The following PRAMEF4 variants were observed in gnomAD, a reference collection of about 807,000 sequenced individuals.
The protein encoded by PRAMEF4 is PRAME family member 4.
Under a neutral mutation model 34.4 loss-of-function variants are expected in PRAMEF4, and 18 were observed. The ratio of observed to expected loss-of-function variants is 0.52; its 90% CI spans 0.36 to 0.78. The LOEUF is 0.78. PRAMEF4 is among the 30% of genes least tolerant of loss of function. The pLI, the probability that PRAMEF4 is intolerant of heterozygous loss-of-function variation, is 0.00. For synonymous variants in PRAMEF4, 156 were observed against 219.3 expected, an observed-to-expected ratio of 0.71 and a Z score of 2.55; for missense variants, 482 against 569.1, an observed-to-expected ratio of 0.85 and a Z score of 1.56.
chr1:12,882,886 A>G (rs1401065635), intron 2 of PRAMEF4, among the ~76,000 whole-genome samples: 11 of 146,074 alleles, frequency 7.5e-5, no homozygotes, highest in African/African-American at 2.6e-4. Context: ...CTCACTTTTC[A>G]TGGTGCCTTT....
Position 12,881,391 on chromosome 1 carries a change from T to A in PRAMEF4, c.875+463A>T, listed in dbSNP as rs1218397964. Among the ~76,000 whole-genome samples the A allele has an allele frequency of 6.1e-5, 9 of 148,730 alleles. 1 individual carries two copies. Among genetic ancestry groups the A allele is most frequent in the Non-Finnish European group, 7.4e-5 (5 of 67,458 alleles). Reference sequence around the variant, plus strand: ...CAGAAAAAAAAAGTTATCTTGTTTGTTTTTACTTTTGTTTATTCATTTCTG... The same window carrying A: ...CAGAAAAAAAAAGTTATCTTGTTTGATTTTACTTTTGTTTATTCATTTCTG... On this transcript the variant is annotated intron_variant, in intron 3 of 3. Transcript: ENST00000235349.
At position 12,882,027 on chromosome 1, in the gene PRAMEF4, C is replaced by A. The variant is rs768955394; in HGVS notation, c.702G>T (p.Arg234Ser). The A allele has an allele frequency of 6.3e-7, 1 of 1,590,670 alleles. No homozygotes were observed. ...TQFTPYLGHM[R>S]NLQKLILSHM... ...GGGAGAGAATGAGTTTCTGAAGATT[C>A]CTCATGTGGCCCAGGTATGGGGTAA... The change falls in exon 3 of 4, where the codon AGG becomes AGT. Residue 234 changes from arginine (R) to serine (S), a missense_variant. Coordinates refer to ENST00000235349, the MANE Select transcript of PRAMEF4 (RefSeq NM_001009611.4).
chr1:12,883,556 T>C, intron 1 of PRAMEF4, 146 bp from the exon 2 acceptor site: 1 of 1,162,890 alleles, frequency 8.6e-7, no homozygotes, highest in South Asian at 1.5e-5. Flanking sequence ...TCAGTGGCCA[T>C]TAAGCCAGCA....
chr1:12,880,062 C>G lies in PRAMEF4; in HGVS notation c.919G>C (p.Val307Leu). The G allele has an allele frequency of 6.5e-7, 1 of 1,541,892 alleles. No homozygotes were observed. The highest frequency in any genetic ancestry group is 8.9e-7 in the Non-Finnish European group (1 of 1,124,566). The stretch of plus-strand genomic sequence containing the variant: ...TGCTTCAAGTCTGATTCCAAAAGCA[C>G]ACAGTTAGTTATTGTGAGGAACTTT... ...SLKFLTITNCVLLESDLKHLS... is the reference protein window; with the variant it reads ...SLKFLTITNCLLLESDLKHLS... The change falls in exon 4 of 4, where the codon GTG becomes CTG. Residue 307 changes from valine to leucine, a missense_variant. Physicochemically the swap from Val to Leu is conservative, Grantham distance 32. Around this residue, in one of 6 missense-constraint regions of PRAMEF4, gnomAD observed 35 missense variants for 109.2 expected, o/e 0.32. Transcript: ENST00000235349.
chr1:12,879,873 T>A lies in PRAMEF4; in HGVS notation c.1108A>T (p.Asn370Tyr), dbSNP rs201682396. ...CGGCTCAGGGCAGGCAAGATGGCGT[T>A]GACTTGGGAGTCTATGATGCCACAG... The part of the protein sequence containing the change: ...DDCGIIDSQV[N>Y]AILPALSRCF... Residue 370 changes from asparagine to tyrosine, a missense_variant, in exon 4 of 4, where the codon AAC becomes TAC. Asn to Tyr is a moderately radical substitution (Grantham distance 143). Coordinates refer to ENST00000235349, the MANE Select transcript of PRAMEF4 (RefSeq NM_001009611.4). The A allele has an allele frequency of 3.1e-5, 49 of 1,600,068 alleles. 2 individuals are homozygous for A. The highest frequency in any genetic ancestry group is 3.7e-5 in the Non-Finnish European group (44 of 1,173,726).
At position 12,883,359 on chromosome 1, in the gene PRAMEF4, C is replaced by G; in HGVS notation, c.36G>C (p.Leu12=). ...TTAGCAGGCTCCGCCCTGCAAGCTC[C>G]AGGAGTCTGGGTGGAGTCCAGATGC... ...KMSIWTPPRL[L]ELAGRSLLRD... Residue 12 remains leucine, a synonymous_variant, in exon 2 of 4, where the codon CTG becomes CTC. Transcript: ENST00000235349. 6.2e-7 allele frequency: 1 copy of G among 1,600,812 alleles called. No individual in the cohort carries two copies.
Position 12,883,451 on chromosome 1 carries a change from G to T in PRAMEF4, c.-16-41C>A. 4.4e-6 allele frequency: 7 copies of T among 1,597,156 alleles called. 1 individual carries two copies. The highest frequency in any genetic ancestry group is 6.0e-6 in the Non-Finnish European group (7 of 1,172,476). Reference sequence around the variant, plus strand: ...CCCAGAGAAAAGGCATCTCTCTCGGGCCAAGCCCATGCAATCTCATCCTCT... The same window carrying T: ...CCCAGAGAAAAGGCATCTCTCTCGGTCCAAGCCCATGCAATCTCATCCTCT... On this transcript the variant is annotated intron_variant, in intron 1 of 3. Coordinates refer to ENST00000235349, the MANE Select transcript of PRAMEF4 (RefSeq NM_001009611.4).
Position 12,883,056 on chromosome 1 carries a change from G to C in PRAMEF4, c.293+46C>G, listed in dbSNP as rs1482344034. 4 of 1,594,454 alleles carry C rather than the reference G, an allele frequency of 2.5e-6. No individual in the cohort carries two copies. The Admixed American group carries it at 5.3e-5, about 21-fold the overall frequency. ...TTCTCACGACCCAGCTGTTCCTTCA[G>C]TTGGACACCTGGGCCCTCCCCACCA... On this transcript the variant is annotated intron_variant, in intron 2 of 3. Coordinates refer to ENST00000235349, the MANE Select transcript of PRAMEF4 (RefSeq NM_001009611.4).
intron 2 of PRAMEF4, among the ~76,000 whole-genome samples, chr1:12,882,819 A>C (rs865869382): frequency 6.8e-6 from 1 of 147,012 alleles, no homozygotes; most frequent in Non-Finnish European, 1.5e-5. Context: ...CCAACTCTTG[A>C]CCTCAGCCTC....
chr1:12,881,358 C>G (rs888084765), intron 3 of PRAMEF4, among the ~76,000 whole-genome samples: 1 of 148,490 alleles, frequency 6.7e-6, no homozygotes, highest in African/African-American at 2.5e-5. Context: ...CAAAGAGAAA[C>G]TCCATCTCAG....
chr1:12,879,362 A>T lies in PRAMEF4; in HGVS notation c.*182T>A. On this transcript the variant is annotated 3_prime_UTR_variant, in exon 4 of 4. Coordinates refer to ENST00000235349, the MANE Select transcript of PRAMEF4 (RefSeq NM_001009611.4). ...ACACAGGTCCCCAAAGTCCCATCGA[A>T]TCCATGGCAACATTTCCCCCAAGTC... The T allele has an allele frequency of 4.0e-6, 3 of 759,108 alleles. No homozygotes were observed. The highest frequency in any genetic ancestry group is 6.4e-5 in the Admixed American group (2 of 31,072). 47.0% of individuals were successfully genotyped at this position (759,108 alleles called of 1,614,324 possible).
At chr1:12,884,428 A>T (rs201313562) in intron 1 of PRAMEF4, among the ~76,000 whole-genome samples, 15,937 of 149,110 alleles carry the variant, frequency 0.11, 1,386 homozygotes, top group Non-Finnish European at 0.11. Flanking sequence ...AAACTGAACC[A>T]CTTTGGCTGG....
At position 12,881,667 on chromosome 1, in the gene PRAMEF4, T is replaced by C. The variant is rs574878746; in HGVS notation, c.875+187A>G. Among the ~76,000 whole-genome samples the C allele has an allele frequency of 2.8e-5, 4 of 143,318 alleles. 1 individual carries two copies. The highest frequency in any genetic ancestry group is 1.1e-4 in the African/African-American group (4 of 37,004). 94.0% of individuals were successfully genotyped at this position (143,318 alleles called of 152,430 possible). On this transcript the variant is annotated intron_variant, in intron 3 of 3. Coordinates refer to ENST00000235349, the MANE Select transcript of PRAMEF4 (RefSeq NM_001009611.4). ...TAGCATCTCCCCTAGCTGATCCCTC[T>C]GCCTCTATTGGGAGGGTTGCATGAT...
intron 1 of PRAMEF4, among the ~76,000 whole-genome samples, chr1:12,883,729 A>G (rs1640939877): frequency 6.8e-6 from 1 of 147,364 alleles, no homozygotes; most frequent in Non-Finnish European, 1.5e-5. Flanking sequence ...TAATTACTCA[A>G]GGTTCTAAAA....
rs1180667832 is a variant in PRAMEF4, at chr1:12,882,081, G to T, written c.648C>A (p.Cys216Ter). 1 of 1,587,612 alleles carries T rather than the reference G, an allele frequency of 6.3e-7. No homozygotes were observed. The highest frequency in any genetic ancestry group is 2.2e-5 in the East Asian group (1 of 44,470). ...GTGTCAGGATGGGCAGTACCCACTTGCAATTCACTTCCACCTCCTGGATAC... is the reference window on the plus strand; with the variant it reads ...GTGTCAGGATGGGCAGTACCCACTTTCAATTCACTTCCACCTCCTGGATAC... The part of the protein sequence containing the change: ...LDCIQEVEVN[C>*]KWVLPILTQF... Residue 216 changes from cysteine (C) to a stop codon, truncating the protein, a stop_gained, in exon 3 of 4, where the codon TGC (cysteine) becomes TGA (stop). Transcript: ENST00000235349. LOFTEE classifies it high-confidence loss of function.
chr1:12,884,676 C>T (rs1280736121), intron 1 of PRAMEF4, among the ~76,000 whole-genome samples: 3 of 147,800 alleles, frequency 2.0e-5, no homozygotes, highest in Middle Eastern at 3.5e-3. Flanking sequence ...CATTATACCA[C>T]TCCACTCCAG....
intron 1 of PRAMEF4, among the ~76,000 whole-genome samples, chr1:12,884,933 C>T (rs1268580320): frequency 0.014 from 1,818 of 130,152 alleles, no homozygotes; most frequent in African/African-American, 0.02. Flanking sequence ...GAGTGTGAGA[C>T]AGGGAAGGGT....
chr1:12,883,294 G>A lies in PRAMEF4; in HGVS notation c.101C>T (p.Pro34Leu), dbSNP rs1183882439. 7 of 1,599,776 alleles carry A rather than the reference G, an allele frequency of 4.4e-6. 1 individual carries two copies. Among genetic ancestry groups the A allele is most frequent in the Non-Finnish European group, 6.0e-6 (7 of 1,173,264 alleles). ...ALAMSTLEEL[P>L]TELFPPLFME... ...GAACAGTGGGGGGAAAAGTTCTGTG[G>A]GCAGCTCCTCCAGGGTGGACATGGC... Residue 34 changes from proline (P) to leucine (L), a missense_variant, in exon 2 of 4, where the codon CCC becomes CTC. By Grantham distance (98) the Pro-to-Leu change is moderately conservative. Coordinates refer to ENST00000235349, the MANE Select transcript of PRAMEF4 (RefSeq NM_001009611.4).
intron 1 of PRAMEF4, among the ~76,000 whole-genome samples, chr1:12,885,740 A>C (rs1769768): frequency 7.0e-6 from 1 of 143,212 alleles, no homozygotes; most frequent in East Asian, 2.3e-4. Flanking sequence ...AGTTGAGATC[A>C]TGCCACTGCA....
Sources: allele counts gnomAD v4.1 joint callset (sites outside exome capture counted in the v4.1 genomes callset), GRCh38; gene constraint gnomAD v4.1.1; regional missense constraint gnomAD v4.1.1; transcripts MANE v1.5; gene names NCBI Gene and HGNC (gene_info 2026-07-23, HGNC 2026-07-21).